The following CCDC73 variants were observed in gnomAD, a reference collection of about 807,000 sequenced individuals.
CCDC73 encodes the protein coiled-coil domain-containing protein 73.
A neutral mutation model predicts 116.5 loss-of-function variants in CCDC73; 95 were observed. That is an observed-to-expected ratio of 0.82 (90% CI 0.69 to 0.97). CCDC73 has a LOEUF of 0.97. Among genes scored for constraint, CCDC73 ranks in the 50% least tolerant of loss-of-function variants. The probability of loss-of-function intolerance (pLI) is 0.00; values close to 1 mark genes in which losing one functional copy is unlikely to be tolerated. For synonymous variants in CCDC73, 398 were observed against 401.3 expected (o/e 0.99, Z 0.10); for missense variants, 1,066 against 1,206.8 (o/e 0.88, Z 1.73).
chr11:32,759,997 A>G, intron 2 of CCDC73, 112 bp downstream of exon 2: 1 of 856,052 alleles, frequency 1.2e-6, no homozygotes, highest in Non-Finnish European at 1.9e-6. Flanking sequence ...TGGACTATAT[A>G]TTTTATTTCT....
At chr11:32,637,470 T>C (rs1274858981) in intron 13 of CCDC73, among the ~76,000 whole-genome samples, 2 of 152,188 alleles carry the variant, frequency 1.3e-5, no homozygotes, top group Non-Finnish European at 2.9e-5. Flanking sequence ...CATCATTTAA[T>C]AGCTCTGTAG....
rs1042151852 is a variant in CCDC73 at position 32,611,043 on chromosome 11, T to A, written c.3030+89A>T. On this transcript the variant is annotated intron_variant, in intron 17 of 17. Coordinates refer to ENST00000335185, the MANE Select transcript of CCDC73 (RefSeq NM_001008391.4). ...GATATTATTTTGGAGATCAGTTAGGTCTTAAAGCATCCAGATGCGTACAGT... is the reference window on the plus strand; with the variant it reads ...GATATTATTTTGGAGATCAGTTAGGACTTAAAGCATCCAGATGCGTACAGT... The A allele has an allele frequency of 4.0e-6, 5 of 1,244,022 alleles. No individual in the cohort carries two copies. The African/African-American group carries it at 7.6e-5, about 19-fold the overall frequency. The allele number at this position is 1,244,022 out of a possible 1,614,324, so 77.1% of individuals were successfully genotyped here.
intron 9 of CCDC73, among the ~76,000 whole-genome samples, chr11:32,665,559 C>T (rs1003500659): frequency 9.9e-5 from 15 of 152,230 alleles, no homozygotes; most frequent in African/African-American, 2.9e-4. Context: ...TGTCTCTGCA[C>T]GTGAGATGGG....
intron 17 of CCDC73, chr11:32,603,624 A>T (rs1004581201): frequency 6.6e-6 from 1 of 152,116 alleles, no homozygotes; most frequent in Non-Finnish European, 1.5e-5. Flanking sequence ...ACAATTGTCT[A>T]TGGCTGCAAA....
At chr11:32,818,518 T>C in the CCDC73 span, among the ~76,000 whole-genome samples, 4 of 152,254 alleles carry the variant, frequency 2.6e-5, no homozygotes, top group South Asian at 4.2e-4. Context: ...AACGTAAACA[T>C]AGAGTTACCA....
At chr11:32,710,938 C>G (rs920020589) in intron 3 of CCDC73, among the ~76,000 whole-genome samples, 1 of 152,034 alleles carries the variant, frequency 6.6e-6, no homozygotes, top group Admixed American at 6.6e-5. Flanking sequence ...ACAGACAACC[C>G]ACAGAGTGGG....
intron 9 of CCDC73, among the ~76,000 whole-genome samples, chr11:32,657,721 A>G (rs182795529): frequency 1.1e-4 from 17 of 152,304 alleles, no homozygotes; most frequent in Non-Finnish European, 2.2e-4. Flanking sequence ...TAATACCTCT[A>G]TATCTTTACC....
intron 11 of CCDC73, 125 bp from the exon 12 acceptor site, chr11:32,653,352 T>A: frequency 5.6e-6 from 3 of 539,926 alleles, no homozygotes; most frequent in Non-Finnish European, 9.5e-6. Flanking sequence ...CAATACTTTA[T>A]ATTAAACTAA....
chr11:32,700,352 T>C (rs542620778), intron 5 of CCDC73, among the ~76,000 whole-genome samples: 4 of 152,360 alleles, frequency 2.6e-5, no homozygotes, highest in Admixed American at 2.0e-4. Context: ...TGGAGCTTTA[T>C]CCCCTTTGCC....
intron 1 of CCDC73, among the ~76,000 whole-genome samples, chr11:32,769,093 C>T (rs957400510): frequency 2.0e-5 from 3 of 152,152 alleles, no homozygotes; most frequent in Non-Finnish European, 2.9e-5. Flanking sequence ...CCAATAGGAA[C>T]TCCCAGATAC....
chr11:32,774,966 G>T (rs549600993), intron 1 of CCDC73, among the ~76,000 whole-genome samples: 1 of 152,172 alleles, frequency 6.6e-6, no homozygotes, highest in Admixed American at 6.5e-5. Flanking sequence ...GTTTTAAGGT[G>T]AGTGTTTTGG....
intron 2 of CCDC73, among the ~76,000 whole-genome samples, chr11:32,726,865 T>TA (rs781583311): frequency 6.6e-5 from 10 of 152,062 alleles, no homozygotes; most frequent in East Asian, 1.9e-4. Context: ...GAAGAAATTA[T>TA]AAAAAAATTA....
At chr11:32,723,828 C>A (rs1225189748) in intron 2 of CCDC73, among the ~76,000 whole-genome samples, 1 of 151,802 alleles carries the variant, frequency 6.6e-6, no homozygotes, top group Non-Finnish European at 1.5e-5. Context: ...AAGTTAGAGA[C>A]AACATTTTTT....
At chr11:32,656,205 G>C (rs1018121808) in intron 9 of CCDC73, among the ~76,000 whole-genome samples, 29 of 151,990 alleles carry the variant, frequency 1.9e-4, no homozygotes, top group African/African-American at 6.5e-4. Context: ...AGCCTCCCGA[G>C]CAGCTGGGAC....
chr11:32,671,461 A>G (rs1425746461), intron 9 of CCDC73, among the ~76,000 whole-genome samples: 1 of 152,114 alleles, frequency 6.6e-6, no homozygotes. Flanking sequence ...GTTCTGGACA[A>G]AATCATAGAA....
At chr11:32,742,328 ACTTTT>A (rs1234291137) in intron 2 of CCDC73, among the ~76,000 whole-genome samples, 2 of 152,186 alleles carry the variant, frequency 1.3e-5, no homozygotes, top group Non-Finnish European at 2.9e-5. Context: ...CTGTTTTCTG[ACTTTT>A]TAATGATCAC....
chr11:32,735,389 C>T (rs948332803), intron 2 of CCDC73, among the ~76,000 whole-genome samples: 2 of 152,056 alleles, frequency 1.3e-5, no homozygotes, highest in South Asian at 2.1e-4. Flanking sequence ...AACAAAGAGC[C>T]GAATCATGAG....
chr11:32,789,588 T>C (rs895541768), intron 1 of CCDC73, among the ~76,000 whole-genome samples: 11 of 151,288 alleles, frequency 7.3e-5, no homozygotes, highest in African/African-American at 2.4e-4. Context: ...CTAGACAACA[T>C]AGTGAGACCC....
intron 2 of CCDC73, among the ~76,000 whole-genome samples, chr11:32,728,762 T>C (rs1850050915): frequency 6.6e-6 from 1 of 152,194 alleles, no homozygotes. Flanking sequence ...TGGAGTGCAG[T>C]GGTGTGATCT....
Sources: allele counts gnomAD v4.1 joint callset (sites outside exome capture counted in the v4.1 genomes callset), GRCh38; gene constraint gnomAD v4.1.1; transcripts MANE v1.5; gene names NCBI Gene and HGNC (gene_info 2026-07-23, HGNC 2026-07-21).